Variants in MAGI3 observed in about 807,000 individuals in gnomAD.
The protein encoded by MAGI3 is membrane associated guanylate kinase, WW and PDZ domain containing 3.
MAGI3 carries 43 observed loss-of-function variants against 121.8 expected under a neutral mutation model. The observed-to-expected ratio is 0.35, with a 90% CI of 0.28 to 0.46. MAGI3 has a LOEUF of 0.46. MAGI3 is among the 20% of genes least tolerant of loss of function. The probability of loss-of-function intolerance (pLI) is 1.00; values close to 1 mark genes in which losing one functional copy is unlikely to be tolerated. For missense variants in MAGI3, 1,547 were observed against 1,797.3 expected (o/e 0.86, Z 2.52); for synonymous variants, 553 against 639.3 (o/e 0.86, Z 2.04).
At chr1:113,680,593 T>C (rs1214718812) in intron 19 of MAGI3, among the ~76,000 whole-genome samples, 1 of 151,616 alleles carries the variant, frequency 6.6e-6, no homozygotes, top group Admixed American at 6.6e-5. Flanking sequence ...CCATCTCTAC[T>C]AAAAATACAA....
At chr1:113,561,214 T>G (rs1660221619) in intron 2 of MAGI3, among the ~76,000 whole-genome samples, 1 of 152,224 alleles carries the variant, frequency 6.6e-6, no homozygotes, top group African/African-American at 2.4e-5. Context: ...CCATTTCTTC[T>G]GAAGCTATTC....
At chr1:113,490,403 A>G (rs1435886634) in intron 1 of MAGI3, among the ~76,000 whole-genome samples, 4 of 152,358 alleles carry the variant, frequency 2.6e-5, no homozygotes, top group African/African-American at 9.6e-5. Flanking sequence ...TATGGAAAGG[A>G]AAGACTGTTA....
intron 9 of MAGI3, among the ~76,000 whole-genome samples, chr1:113,634,552 C>T (rs75791290): frequency 0.22 from 32,942 of 152,014 alleles, 4,474 homozygotes; most frequent in South Asian, 0.38. Context: ...TGTAGATGTG[C>T]GGCGTTATTT....
chr1:113,456,328 A>G (rs983075141), intron 1 of MAGI3, among the ~76,000 whole-genome samples: 1 of 152,040 alleles, frequency 6.6e-6, no homozygotes, highest in Admixed American at 6.6e-5. Context: ...CTCAAACATA[A>G]AAAACAACCT....
At chr1:113,460,033 C>T (rs1236846034) in intron 1 of MAGI3, among the ~76,000 whole-genome samples, 1 of 152,162 alleles carries the variant, frequency 6.6e-6, no homozygotes, top group Non-Finnish European at 1.5e-5. Context: ...AGAATACTTG[C>T]AAACTGAATC....
In MAGI3 at chr1:113,594,468, C is replaced by T. The variant is rs756518875; in HGVS notation, c.939-13C>T. ...TTATTTTACTGTTTCTAATTAAAATCTTTATTCTACAGCCACAATACCAAG... is the reference window on the plus strand; with the variant it reads ...TTATTTTACTGTTTCTAATTAAAATTTTTATTCTACAGCCACAATACCAAG... On this transcript the variant is annotated splice_polypyrimidine_tract_variant and intron_variant, in intron 5 of 20. Coordinates refer to ENST00000307546, the MANE Select transcript of MAGI3 (RefSeq NM_001142782.2). 1.3e-6 allele frequency: 2 copies of T among 1,593,442 alleles called. No individual in the cohort carries two copies. The highest frequency in any genetic ancestry group is 8.5e-7 in the Non-Finnish European group (1 of 1,171,758).
In MAGI3 at chr1:113,391,048, G is replaced by A. The variant is rs562340789; in HGVS notation, c.15G>A (p.Leu5=). The change falls in exon 1 of 21, where the codon CTG becomes CTA. Residue 5 remains leucine (L), a synonymous_variant. Transcript: ENST00000307546. The surrounding 1 kb of genome is among the most constrained non-coding windows in gnomAD (Gnocchi z 4.4). ...CGGGGTTCGGGATGTCGAAGACGCT[G>A]AAGAAGAAGAAGCACTGGCTCAGCA... MSKT[L]KKKKHWLSKV... 8.8e-6 allele frequency: 14 copies of A among 1,586,868 alleles called. No individual in the cohort carries two copies. Among genetic ancestry groups the A allele is most frequent in the African/African-American group, 5.4e-5 (4 of 73,830 alleles).
chr1:113,526,610 C>A (rs1206888286), intron 1 of MAGI3, among the ~76,000 whole-genome samples: 1 of 152,148 alleles, frequency 6.6e-6, no homozygotes, highest in Non-Finnish European at 1.5e-5. Context: ...TTGAAGGCTA[C>A]TCTTAGCTCA....
chr1:113,518,246 T>C (rs990284897), intron 1 of MAGI3, among the ~76,000 whole-genome samples: 14 of 152,148 alleles, frequency 9.2e-5, no homozygotes, highest in African/African-American at 3.4e-4. Flanking sequence ...TTTATGGTTA[T>C]AGATTTTATT....
intron 1 of MAGI3, among the ~76,000 whole-genome samples, chr1:113,416,334 C>A (rs60453499): frequency 4.1e-5 from 2 of 48,570 alleles, no homozygotes; most frequent in Non-Finnish European, 7.1e-5. Context: ...AATTATATAT[C>A]AATCATATAT....
intron 1 of MAGI3, among the ~76,000 whole-genome samples, chr1:113,437,824 CTT>C (rs1653660286): frequency 1.1e-4 from 1 of 8,982 alleles, no homozygotes; most frequent in South Asian, 6.4e-3. Context: ...TCTTCTTCTT[CTT>C]CTTCTTCTTC....
intron 4 of MAGI3, among the ~76,000 whole-genome samples, chr1:113,587,665 A>G (rs1648458780): frequency 6.6e-6 from 1 of 152,202 alleles, no homozygotes. Flanking sequence ...ACAATAACAT[A>G]TGTTACGTAA....
In MAGI3 at chr1:113,654,007, C is replaced by T. The variant is rs750655299; in HGVS notation, c.2618C>T (p.Pro873Leu). The change falls in exon 15 of 21, where the codon CCA (proline) becomes CTA (leucine). Residue 873 changes from proline to leucine, a missense_variant. By Grantham distance (98) the Pro-to-Leu change is moderately conservative. Coordinates refer to ENST00000307546, the MANE Select transcript of MAGI3 (RefSeq NM_001142782.2). Reference sequence around the variant, plus strand: ...GTCATCCTCACCTCCAAAAACAAACCACCTCCAGGAGGTAAGGGCTATTGT... The same window carrying T: ...GTCATCCTCACCTCCAAAAACAAACTACCTCCAGGAGGTAAGGGCTATTGT... ...GFVILTSKNK[P>L]PPGVIPHKIG... 1 of 1,612,828 alleles carries T rather than the reference C, an allele frequency of 6.2e-7. No homozygotes were observed. Among genetic ancestry groups the T allele is most frequent in the African/African-American group, 1.3e-5 (1 of 74,858 alleles).
intron 1 of MAGI3, among the ~76,000 whole-genome samples, chr1:113,451,569 A>G (rs1486534860): frequency 6.6e-6 from 1 of 152,190 alleles, no homozygotes; most frequent in Admixed American, 6.5e-5. Context: ...CATTGCTGGA[A>G]CAATGTTATT....
intron 19 of MAGI3, among the ~76,000 whole-genome samples, chr1:113,680,158 A>G (rs975789139): frequency 6.6e-6 from 1 of 152,248 alleles, no homozygotes; most frequent in Non-Finnish European, 1.5e-5. Flanking sequence ...TGTACAGGAC[A>G]TAGCAGCAGT....
intron 1 of MAGI3, among the ~76,000 whole-genome samples, chr1:113,426,318 T>TA (rs1653004143): frequency 6.6e-6 from 1 of 152,210 alleles, no homozygotes; most frequent in Non-Finnish European, 1.5e-5. Context: ...AGGCCCAAGA[T>TA]ATGGCCTTTC....
intron 3 of MAGI3, among the ~76,000 whole-genome samples, chr1:113,582,562 A>G (rs925370839): frequency 6.6e-6 from 1 of 152,142 alleles, no homozygotes; most frequent in African/African-American, 2.4e-5. Flanking sequence ...TATGTACATT[A>G]TACTATTTAT....
At chr1:113,680,529 G>A (rs1378436494) in intron 19 of MAGI3, among the ~76,000 whole-genome samples, 3 of 151,878 alleles carry the variant, frequency 2.0e-5, no homozygotes. Context: ...AGGCTGAGGC[G>A]GGCGGATCAC....
intron 2 of MAGI3, among the ~76,000 whole-genome samples, chr1:113,574,215 T>C (rs1366727113): frequency 6.6e-6 from 1 of 152,194 alleles, no homozygotes; most frequent in Non-Finnish European, 1.5e-5. Context: ...TATTGTTATG[T>C]ATTAATTATA....
Sources: allele counts gnomAD v4.1 joint callset (sites outside exome capture counted in the v4.1 genomes callset), GRCh38; gene constraint gnomAD v4.1.1; non-coding constraint Gnocchi (gnomAD v3.1); transcripts MANE v1.5; gene names NCBI Gene and HGNC (gene_info 2026-07-23, HGNC 2026-07-21).